Variants in COL11A1 observed in about 807,000 individuals in gnomAD.
The protein encoded by COL11A1 is collagen alpha-1(XI) chain.
A neutral mutation model predicts 265.2 loss-of-function variants in COL11A1; 74 were observed. The ratio of observed to expected loss-of-function variants is 0.28; its 90% CI spans 0.23 to 0.34. The LOEUF is 0.34. Among genes scored for constraint, COL11A1 ranks in the 10% least tolerant of loss-of-function variants. The pLI, the probability that COL11A1 is intolerant of heterozygous loss-of-function variation, is 1.00. For synonymous variants in COL11A1, 816 were observed against 727.6 expected (o/e 1.12, Z -1.96); for missense variants, 2,165 against 2,263.6 (o/e 0.96, Z 0.88).
intron 4 of COL11A1, among the ~76,000 whole-genome samples, chr1:103,073,599 AGTG>A (rs1420898957): frequency 2.0e-5 from 3 of 151,832 alleles, no homozygotes; most frequent in Non-Finnish European, 4.4e-5. Flanking sequence ...GGTACACACT[AGTG>A]GATAAAAGTC....
At chr1:102,905,289 G>T (rs917628797) in intron 54 of COL11A1, among the ~76,000 whole-genome samples, 1 of 149,616 alleles carries the variant, frequency 6.7e-6, no homozygotes, top group African/African-American at 2.5e-5. Flanking sequence ...CGAGTTACTG[G>T]GTGCAGCACA....
intron 29 of COL11A1, among the ~76,000 whole-genome samples, chr1:102,989,265 T>TGTGTGC (rs558593657): frequency 1.8e-3 from 274 of 152,066 alleles, no homozygotes; most frequent in African/African-American, 6.0e-3. Flanking sequence ...TGTGTGTGTG[T>TGTGTGC]GTGTGCACGC....
chr1:102,972,067 T>C (rs1316298240), intron 36 of COL11A1, among the ~76,000 whole-genome samples: 1 of 152,190 alleles, frequency 6.6e-6, no homozygotes, highest in Non-Finnish European at 1.5e-5. Flanking sequence ...GTAGACTTCA[T>C]TGAGGTCCAG....
chr1:102,905,310 A>G (rs1170284949), intron 54 of COL11A1, among the ~76,000 whole-genome samples: 1 of 151,394 alleles, frequency 6.6e-6, no homozygotes, highest in Non-Finnish European at 1.5e-5. Context: ...CCAACATGGC[A>G]CATGTATACA....
At chr1:102,953,258 T>C (rs1468012753) in intron 41 of COL11A1, among the ~76,000 whole-genome samples, 1 of 152,150 alleles carries the variant, frequency 6.6e-6, no homozygotes, top group Non-Finnish European at 1.5e-5. Context: ...TTTTTCTTTT[T>C]TTTTCTTTTT....
chr1:103,044,299 C>A (rs1046058360), intron 4 of COL11A1, among the ~76,000 whole-genome samples: 1 of 151,714 alleles, frequency 6.6e-6, no homozygotes, highest in African/African-American at 2.4e-5. Flanking sequence ...GCATTTGAAC[C>A]ATAATTCAAA....
At chr1:102,994,768 G>T (rs893936890) in intron 28 of COL11A1, among the ~76,000 whole-genome samples, 9 of 152,106 alleles carry the variant, frequency 5.9e-5, no homozygotes, top group Non-Finnish European at 1.5e-5. Context: ...CTGATTCTGA[G>T]TGTATTAGTC....
chr1:102,877,736 T>TTTTG lies in COL11A1; in HGVS notation c.*282_*283insCAAA. 1 of 366,746 alleles carries TTTTG rather than the reference T, an allele frequency of 2.7e-6. No individual in the cohort carries two copies. The highest frequency in any genetic ancestry group is 5.1e-6 in the Non-Finnish European group (1 of 197,000). The allele number at this position is 366,746 out of a possible 1,614,324, so 22.7% of individuals were successfully genotyped here. A position where few individuals can be genotyped will look rare whatever the true frequency, so the allele number is the denominator to read the frequency against. On this transcript the variant is annotated 3_prime_UTR_variant, in exon 67 of 67. Coordinates refer to ENST00000370096, the MANE Select transcript of COL11A1 (RefSeq NM_001854.4). ...TATATATTTTTCTTTTTTTGTTTTC[T>TTTTG]ACAGCACCAAAGAAATTCAAATAGG...
chr1:103,007,009 G>C (rs1327494257), intron 15 of COL11A1, among the ~76,000 whole-genome samples: 3 of 151,024 alleles, frequency 2.0e-5, no homozygotes, highest in African/African-American at 7.3e-5. Flanking sequence ...TCATTTGTTG[G>C]ATGTTCTTTA....
At chr1:103,002,069 T>G (rs532644591) in intron 23 of COL11A1, 100 bp from the exon 24 acceptor site, 1 of 962,676 alleles carries the variant, frequency 1.0e-6, no homozygotes, top group Non-Finnish European at 1.7e-6. Context: ...CAGTGAGTTA[T>G]AAGAATCTGT....
At chr1:103,097,546 C>T (rs7550118) in intron 1 of COL11A1, among the ~76,000 whole-genome samples, 49,333 of 151,756 alleles carry the variant, frequency 0.33, 8,305 homozygotes, top group Non-Finnish European at 0.36. Flanking sequence ...TCTAGCATAG[C>T]TGTAGTTTTA....
At chr1:102,946,714 G>T in intron 42 of COL11A1, 135 bp downstream of exon 42, 1 of 728,994 alleles carries the variant, frequency 1.4e-6, no homozygotes, top group Non-Finnish European at 2.4e-6. Context: ...ATACATATAC[G>T]AGCCAGGGTA....
intron 62 of COL11A1, among the ~76,000 whole-genome samples, chr1:102,887,263 G>A (rs1253722750): frequency 6.6e-6 from 1 of 152,020 alleles, no homozygotes; most frequent in Non-Finnish European, 1.5e-5. Flanking sequence ...ATTGAGGTAG[G>A]TGAATAAGTT....
In COL11A1 at chr1:103,006,303, C is replaced by T. The variant is rs1251543692; in HGVS notation, c.1696G>A (p.Val566Ile). The change falls in exon 16 of 67, where the codon GTC becomes ATC. Residue 566 changes from valine (V) to isoleucine (I), a missense_variant. Physicochemically the swap from Val to Ile is conservative, Grantham distance 29. Transcript: ENST00000370096. ...CCCGTTGGACCAGGGGGACCCTGGA[C>T]GCCTCGAGGGCCCTATATCAAGACA... ...GDPGPQGPRG[V>I]QGPPGPTGKP... The T allele has an allele frequency of 5.0e-6, 8 of 1,609,294 alleles. 1 individual carries two copies. The highest frequency in any genetic ancestry group is 6.8e-6 in the Non-Finnish European group (8 of 1,177,716).
intron 4 of COL11A1, among the ~76,000 whole-genome samples, chr1:103,051,040 CG>C (rs1432232370): frequency 1.3e-5 from 2 of 152,194 alleles, no homozygotes; most frequent in Non-Finnish European, 2.9e-5. Context: ...TTAGGCTACT[CG>C]GGGGTCAGGG....
chr1:103,085,896 C>T (rs949414257), intron 1 of COL11A1, among the ~76,000 whole-genome samples: 1 of 152,010 alleles, frequency 6.6e-6, no homozygotes, highest in Admixed American at 6.5e-5. Context: ...AGGGATTAAC[C>T]CTCACAAACC....
At chr1:102,962,861 T>C (rs1170444688) in intron 38 of COL11A1, 101 bp from the exon 39 acceptor site, 1 of 1,044,960 alleles carries the variant, frequency 9.6e-7, no homozygotes, top group African/African-American at 1.6e-5. Context: ...AAGTTTATCA[T>C]CCTCACTTAT....
intron 49 of COL11A1, among the ~76,000 whole-genome samples, chr1:102,916,332 C>T (rs1310733359): frequency 6.6e-6 from 1 of 152,022 alleles, no homozygotes; most frequent in African/African-American, 2.4e-5. Flanking sequence ...ATCTCTGTAA[C>T]TAGTAGGGTT....
At chr1:102,925,186 G>C (rs12071600) in intron 46 of COL11A1, among the ~76,000 whole-genome samples, 2,452 of 152,136 alleles carry the variant, frequency 0.016, 72 homozygotes, top group African/African-American at 0.056. Context: ...TGTGAAAAAT[G>C]TATTTTACTT....
Sources: allele counts gnomAD v4.1 joint callset (sites outside exome capture counted in the v4.1 genomes callset), GRCh38; gene constraint gnomAD v4.1.1; transcripts MANE v1.5; gene names NCBI Gene and HGNC (gene_info 2026-07-23, HGNC 2026-07-21).